Variants in ATP6V1C2 observed in about 807,000 individuals in gnomAD.
ATP6V1C2 encodes ATPase H+ transporting V1 subunit C2.
Under a neutral mutation model 56.8 loss-of-function variants are expected in ATP6V1C2, and 45 were observed. The observed-to-expected ratio is 0.79, with a 90% CI of 0.62 to 1.02. The LOEUF (loss-of-function observed/expected upper bound fraction) is 1.02. ATP6V1C2 is among the 50% of genes least tolerant of loss of function. The probability of loss-of-function intolerance (pLI) is 0.00; values close to 1 mark genes in which losing one functional copy is unlikely to be tolerated. For synonymous variants in ATP6V1C2, 220 were observed against 201.3 expected (o/e 1.09, Z -0.79); for missense variants, 463 against 519.7 (o/e 0.89, Z 1.06).
At chr2:10,728,133 G>T (rs1229463759) in intron 3 of ATP6V1C2, among the ~76,000 whole-genome samples, 1 of 152,206 alleles carries the variant, frequency 6.6e-6, no homozygotes, top group Non-Finnish European at 1.5e-5. Flanking sequence ...CTAGGCTGGA[G>T]TGCAGTGGTG....
chr2:10,770,668 G>A (rs531748869), intron 6 of ATP6V1C2, among the ~76,000 whole-genome samples: 2 of 152,194 alleles, frequency 1.3e-5, no homozygotes, highest in Non-Finnish European at 2.9e-5. Context: ...CAACTGGTGA[G>A]GTTCATTCAT....
intron 3 of ATP6V1C2, among the ~76,000 whole-genome samples, chr2:10,744,671 T>TTC: frequency 7.4e-6 from 1 of 135,668 alleles, no homozygotes; most frequent in East Asian, 2.0e-4. Context: ...CTCTTTTTCT[T>TTC]TTTTTTTTTT....
intron 12 of ATP6V1C2, among the ~76,000 whole-genome samples, chr2:10,781,442 C>T (rs775549925): frequency 1.4e-4 from 21 of 151,958 alleles, no homozygotes; most frequent in Non-Finnish European, 2.8e-4. Context: ...CGCACCATTG[C>T]ACTCCAGCCT....
At chr2:10,776,266 C>T (rs1340426325) in intron 10 of ATP6V1C2, among the ~76,000 whole-genome samples, 1 of 151,026 alleles carries the variant, frequency 6.6e-6, no homozygotes, top group Non-Finnish European at 1.5e-5. Flanking sequence ...CGCTCACACA[C>T]GTGTGTGTGT....
chr2:10,775,934 C>T (rs1187937027), intron 10 of ATP6V1C2, among the ~76,000 whole-genome samples: 1 of 152,186 alleles, frequency 6.6e-6, no homozygotes, highest in African/African-American at 2.4e-5. Context: ...GGGAAAGTCA[C>T]TGTGTGAACA....
At chr2:10,733,631 T>C (rs1265973960) in intron 3 of ATP6V1C2, among the ~76,000 whole-genome samples, 1 of 146,680 alleles carries the variant, frequency 6.8e-6, no homozygotes, top group Admixed American at 6.8e-5. Flanking sequence ...CAAATGCTAT[T>C]ATCTTAAAAA....
intron 2 of ATP6V1C2, among the ~76,000 whole-genome samples, chr2:10,724,878 G>C (rs1437855148): frequency 6.6e-6 from 1 of 151,992 alleles, no homozygotes; most frequent in Non-Finnish European, 1.5e-5. Flanking sequence ...TCACCAGGTT[G>C]ACCAGTTTGG....
In ATP6V1C2 at chr2:10,775,008, G is replaced by T. The variant is rs747722346; in HGVS notation, c.762G>T (p.Glu254Asp). The change falls in exon 10 of 14, where the codon GAG becomes GAT. Residue 254 changes from glutamate to aspartate, a missense_variant. By Grantham distance (45) the Glu-to-Asp change is conservative (BLOSUM62 2). Coordinates refer to ENST00000272238, the MANE Select transcript of ATP6V1C2 (RefSeq NM_001039362.2). ...KFTVREFYYD[E>D]KEIEREREEM... Reference sequence around the variant, plus strand: ...CTGTTCGTGAATTTTACTATGATGAGAAGGAAATTGAAAGGGAAAGGGAGG... The same window carrying T: ...CTGTTCGTGAATTTTACTATGATGATAAGGAAATTGAAAGGGAAAGGGAGG... 1.5e-5 allele frequency: 24 copies of T among 1,614,150 alleles called. No homozygotes were observed. The African/African-American group carries it at 2.3e-4, about 15-fold the overall frequency.
intron 3 of ATP6V1C2, among the ~76,000 whole-genome samples, chr2:10,746,893 T>G (rs1662946019): frequency 6.6e-6 from 1 of 152,248 alleles, no homozygotes; most frequent in South Asian, 2.1e-4. Flanking sequence ...ACATAATTTT[T>G]TAAGTGGGGT....
At chr2:10,778,466 ACTT>A (rs1665139685) in intron 11 of ATP6V1C2, 103 bp from the exon 12 acceptor site, 4 of 1,000,444 alleles carry the variant, frequency 4.0e-6, no homozygotes, top group Middle Eastern at 2.9e-4. Flanking sequence ...GCTCCTGGGC[ACTT>A]CTTCTCAGCT....
intron 3 of ATP6V1C2, among the ~76,000 whole-genome samples, chr2:10,744,768 A>G (rs1351683193): frequency 6.8e-6 from 1 of 146,832 alleles, no homozygotes; most frequent in Non-Finnish European, 1.5e-5. Context: ...TCCTGGGTTC[A>G]AGCAATTCTC....
intron 11 of ATP6V1C2, 125 bp downstream of exon 11, chr2:10,777,847 T>G (rs1558427197): frequency 8.1e-7 from 1 of 1,237,876 alleles, no homozygotes; most frequent in East Asian, 2.6e-5. Context: ...GTCTTAAATT[T>G]GAGGAGCCGG....
chr2:10,748,899 T>G (rs770820855), intron 3 of ATP6V1C2, among the ~76,000 whole-genome samples: 1 of 150,374 alleles, frequency 6.7e-6, no homozygotes, highest in African/African-American at 2.4e-5. Context: ...GGCGGCCGAG[T>G]GGGTGGATTG....
In ATP6V1C2 at chr2:10,743,170, G is replaced by A. The variant is rs113747226; in HGVS notation, c.198-10811G>A. ...CTCACTCTGTTGCCCAGGCTGGACTGCAGTGATTCAATCACTCCTCACTGC... is the reference window on the plus strand; with the variant it reads ...CTCACTCTGTTGCCCAGGCTGGACTACAGTGATTCAATCACTCCTCACTGC... On this transcript the variant is annotated intron_variant, in intron 3 of 13. Coordinates refer to ENST00000272238, the MANE Select transcript of ATP6V1C2 (RefSeq NM_001039362.2). Among the ~76,000 whole-genome samples the A allele has an allele frequency of 9.8e-3, 1,490 of 152,200 alleles. 21 individuals carry two copies. The highest frequency in any genetic ancestry group is 0.034 in the African/African-American group (1,414 of 41,520).
At chr2:10,779,403 C>T (rs1665203895) in intron 12 of ATP6V1C2, among the ~76,000 whole-genome samples, 1 of 125,156 alleles carries the variant, frequency 8.0e-6, no homozygotes, top group African/African-American at 2.9e-5. Context: ...GCCACCATGC[C>T]CGGCCTTTGC....
chr2:10,745,864 A>G (rs1662882407), intron 3 of ATP6V1C2, among the ~76,000 whole-genome samples: 2 of 152,174 alleles, frequency 1.3e-5, no homozygotes, highest in African/African-American at 4.8e-5. Context: ...GAATGAAATC[A>G]TATAGTGTTT....
Position 10,783,358 on chromosome 2 carries a change from T to A in ATP6V1C2, c.*95T>A. The A allele has an allele frequency of 1.3e-6, 1 of 743,816 alleles. No individual in the cohort carries two copies. Among genetic ancestry groups the A allele is most frequent in the Non-Finnish European group, 2.2e-6 (1 of 461,826 alleles). 46.1% of individuals were successfully genotyped at this position (743,816 alleles called of 1,614,324 possible). A position where few individuals can be genotyped will look rare whatever the true frequency, so the allele number is the denominator to read the frequency against. The stretch of plus-strand genomic sequence containing the variant: ...GAATGGTTCAAATGTCTTACAGAAC[T>A]AAGATCTTTTTCAGAGAAATTGCTC... On this transcript the variant is annotated 3_prime_UTR_variant, in exon 14 of 14. Transcript: ENST00000272238.
chr2:10,758,337 A>C (rs1196182177), intron 4 of ATP6V1C2, among the ~76,000 whole-genome samples: 1 of 152,228 alleles, frequency 6.6e-6, no homozygotes, highest in African/African-American at 2.4e-5. Flanking sequence ...CGATGGTAGC[A>C]GCAGTGGCCT....
At position 10,783,310 on chromosome 2, in the gene ATP6V1C2, G is replaced by T; in HGVS notation, c.*47G>T. The T allele has an allele frequency of 1.6e-6, 2 of 1,278,764 alleles. No individual in the cohort carries two copies. Among genetic ancestry groups the T allele is most frequent in the South Asian group, 2.4e-5 (2 of 82,890 alleles). The allele number at this position is 1,278,764 out of a possible 1,614,324, so 79.2% of individuals were successfully genotyped here. ...TCTCATGTTCGTGCAGATTATTACA[G>T]ACACCTCTTTCCTTTAGCCAGAGAA... is the stretch of plus-strand genomic sequence containing the variant. On this transcript the variant is annotated 3_prime_UTR_variant, in exon 14 of 14. Coordinates refer to ENST00000272238, the MANE Select transcript of ATP6V1C2 (RefSeq NM_001039362.2).
Sources: gnomAD v4.1 joint callset for allele counts (sites outside exome capture counted in the v4.1 genomes callset) on GRCh38, gnomAD v4.1.1 for gene constraint, MANE v1.5 for transcripts, NCBI Gene and HGNC (gene_info 2026-07-23, HGNC 2026-07-21) for gene names.